Variants in NCKAP5 observed in about 807,000 individuals in gnomAD.
The protein encoded by NCKAP5 is NCK associated protein 5.
A neutral mutation model predicts 167.0 loss-of-function variants in NCKAP5; 92 were observed. The observed-to-expected ratio is 0.55, with a 90% CI of 0.47 to 0.66. NCKAP5 has a LOEUF of 0.66. Among genes scored for constraint, NCKAP5 ranks in the 30% least tolerant of loss-of-function variants. The probability of loss-of-function intolerance (pLI) is 0.00; values close to 1 mark genes in which losing one functional copy is unlikely to be tolerated. For synonymous variants in NCKAP5, 891 were observed against 877.4 expected, an observed-to-expected ratio of 1.02 and a Z score of -0.27; for missense variants, 2,378 against 2,315.0, an observed-to-expected ratio of 1.03 and a Z score of -0.56.
chr2:133,302,690 A>C (rs1388684865), intron 4 of NCKAP5, among the ~76,000 whole-genome samples: 2 of 143,730 alleles, frequency 1.4e-5, no homozygotes, highest in Non-Finnish European at 3.0e-5. Flanking sequence ...TAGATGACAC[A>C]TTAGTGGGTG....
intron 16 of NCKAP5, among the ~76,000 whole-genome samples, chr2:132,751,023 A>T (rs771761872): frequency 6.6e-6 from 1 of 152,184 alleles, no homozygotes; most frequent in African/African-American, 2.4e-5. Context: ...TCACTCTGAA[A>T]GACACAGCTC....
chr2:133,611,991 A>G, the NCKAP5 span, among the ~76,000 whole-genome samples: 1 of 152,182 alleles, frequency 6.6e-6, no homozygotes, highest in South Asian at 2.1e-4. Flanking sequence ...AGGCATTTCA[A>G]CATAATTCTA....
intron 9 of NCKAP5, among the ~76,000 whole-genome samples, chr2:132,870,411 T>C (rs921946204): frequency 3.9e-5 from 6 of 152,182 alleles, no homozygotes; most frequent in Non-Finnish European, 7.3e-5. Flanking sequence ...CATGAAAGAC[T>C]AAATCAGAAT....
chr2:133,347,905 T>C (rs1344500173), intron 3 of NCKAP5, among the ~76,000 whole-genome samples: 1 of 152,252 alleles, frequency 6.6e-6, no homozygotes, highest in East Asian at 1.9e-4. Flanking sequence ...AATTTTAATT[T>C]ATCACAGAGA....
chr2:132,774,480 T>C (rs1682374646), intron 15 of NCKAP5, among the ~76,000 whole-genome samples: 1 of 78,950 alleles, frequency 1.3e-5, no homozygotes, highest in Admixed American at 1.4e-4. Context: ...TATCTAGATA[T>C]TTTTTTTTGA....
intron 11 of NCKAP5, among the ~76,000 whole-genome samples, chr2:132,855,232 A>C (rs1041746316): frequency 3.3e-5 from 5 of 152,200 alleles, no homozygotes; most frequent in Non-Finnish European, 7.3e-5. Flanking sequence ...TCCAGTGCTT[A>C]GTGCATGACA....
intron 3 of NCKAP5, among the ~76,000 whole-genome samples, chr2:133,461,207 CATT>C (rs1205653338): frequency 6.6e-6 from 1 of 152,116 alleles, no homozygotes; most frequent in African/African-American, 2.4e-5. Flanking sequence ...CAAATAGAAA[CATT>C]ATTTATCTTT....
rs557382409 is a variant in NCKAP5, at chr2:132,701,883, G to T, written c.5713+23744C>A. Among the ~76,000 whole-genome samples the T allele has an allele frequency of 2.0e-5, 3 of 152,252 alleles. 1 individual carries two copies. Among genetic ancestry groups the T allele is most frequent in the Admixed American group, 2.0e-4 (3 of 15,294 alleles). ...AGAGGACAGCACTGGGTTCCCAGAG[G>T]CAACCGGATGGAACCTGGAATCTAA... is the stretch of plus-strand genomic sequence containing the variant. On this transcript the variant is annotated intron_variant, in intron 19 of 19. Transcript: ENST00000409261.
chr2:133,233,226 G>T (rs537389823), intron 4 of NCKAP5, among the ~76,000 whole-genome samples: 3 of 152,234 alleles, frequency 2.0e-5, no homozygotes, highest in East Asian at 1.9e-4. Context: ...ATTACGTATA[G>T]GTCAATATGA....
chr2:132,923,256 C>T (rs561650839), intron 8 of NCKAP5, among the ~76,000 whole-genome samples: 1 of 152,332 alleles, frequency 6.6e-6, no homozygotes, highest in Non-Finnish European at 1.5e-5. Context: ...TTATTTTCAA[C>T]TGCTGCCTAT....
chr2:132,843,119 A>G (rs956440546), intron 11 of NCKAP5, among the ~76,000 whole-genome samples: 1 of 152,178 alleles, frequency 6.6e-6, no homozygotes, highest in South Asian at 2.1e-4. Flanking sequence ...GAGCTAAGGC[A>G]TAATTTATCT....
chr2:133,420,604 T>G (rs187041434), intron 3 of NCKAP5, among the ~76,000 whole-genome samples: 1 of 152,308 alleles, frequency 6.6e-6, no homozygotes, highest in East Asian at 1.9e-4. Flanking sequence ...TATATCTCAA[T>G]AAAAATGTTA....
At chr2:133,524,613 C>T (rs984946488) in intron 2 of NCKAP5, among the ~76,000 whole-genome samples, 1 of 152,166 alleles carries the variant, frequency 6.6e-6, no homozygotes, top group South Asian at 2.1e-4. Flanking sequence ...AACCCACGAC[C>T]TCCTTTCTTC....
At chr2:132,937,954 G>C (rs1327945722) in intron 8 of NCKAP5, among the ~76,000 whole-genome samples, 1 of 152,192 alleles carries the variant, frequency 6.6e-6, no homozygotes, top group Admixed American at 6.5e-5. Context: ...ATAAAGGGTG[G>C]ACCCTCTGAT....
At chr2:132,996,633 T>C (rs1276697366) in intron 6 of NCKAP5, among the ~76,000 whole-genome samples, 1 of 152,242 alleles carries the variant, frequency 6.6e-6, no homozygotes, top group Non-Finnish European at 1.5e-5. Context: ...ATATTTTGTA[T>C]ATGCAGGTCT....
rs545973665 is a variant in NCKAP5, at chr2:133,126,483, T to C, written c.341+3495A>G. 4.6e-5 allele frequency among the ~76,000 whole-genome samples: 7 copies of C among 152,328 alleles called. No homozygotes were observed. In the South Asian group the frequency reaches 1.2e-3, roughly 27 times the overall value. On this transcript the variant is annotated intron_variant, in intron 6 of 19. Transcript: ENST00000409261. ...AGTTCCTATTTCACTTGTGATCTCT[T>C]AGACATGACCCAGCATTCTTATTCC...
intron 3 of NCKAP5, among the ~76,000 whole-genome samples, chr2:133,435,833 T>A (rs1021917612): frequency 6.6e-6 from 1 of 152,204 alleles, no homozygotes; most frequent in African/African-American, 2.4e-5. Context: ...TTCTCTCACC[T>A]GCCACTTCCA....
At chr2:133,094,081 A>G (rs1400780468) in intron 6 of NCKAP5, among the ~76,000 whole-genome samples, 3 of 152,254 alleles carry the variant, frequency 2.0e-5, no homozygotes, top group Non-Finnish European at 4.4e-5. Flanking sequence ...AGGGGGTTTC[A>G]GGCAATGGCT....
At chr2:133,597,253 C>A in the NCKAP5 span, among the ~76,000 whole-genome samples, 9 of 152,120 alleles carry the variant, frequency 5.9e-5, no homozygotes, top group Admixed American at 2.6e-4. Context: ...TGGACATCTG[C>A]GAAGGCTGGA....
Sources: gnomAD v4.1 joint callset for allele counts (sites outside exome capture counted in the v4.1 genomes callset) on GRCh38, gnomAD v4.1.1 for gene constraint, MANE v1.5 for transcripts, NCBI Gene and HGNC (gene_info 2026-07-23, HGNC 2026-07-21) for gene names.